The following NR6A1 variants were observed in gnomAD, a reference collection of about 807,000 sequenced individuals.
NR6A1 encodes the protein retinoic acid receptor-related testis-associated receptor.
NR6A1 carries 7 observed loss-of-function variants against 59.1 expected under a neutral mutation model. That is an observed-to-expected ratio of 0.12 (90% CI 0.07 to 0.22). The LOEUF is 0.22. NR6A1 is among the 10% of genes least tolerant of loss of function. NR6A1 has a pLI of 1.00. For missense variants in NR6A1, 468 were observed against 611.6 expected, an observed-to-expected ratio of 0.77 and a Z score of 2.48; for synonymous variants, 243 against 236.1, an observed-to-expected ratio of 1.03 and a Z score of -0.27.
chr9:124,752,165 C>T (rs1252256362), intron 1 of NR6A1, among the ~76,000 whole-genome samples: 2 of 152,160 alleles, frequency 1.3e-5, no homozygotes, highest in Non-Finnish European at 2.9e-5. Flanking sequence ...GCTACTCGGG[C>T]TCCTGAAGCA....
At chr9:124,609,654 T>C (rs1835682379) in intron 2 of NR6A1, among the ~76,000 whole-genome samples, 1 of 152,216 alleles carries the variant, frequency 6.6e-6, no homozygotes, top group Non-Finnish European at 1.5e-5. Flanking sequence ...AGAATGTCAA[T>C]GGTAGTTTAA....
chr9:124,651,080 G>C (rs1404342553), intron 2 of NR6A1, among the ~76,000 whole-genome samples: 1 of 152,134 alleles, frequency 6.6e-6, no homozygotes, highest in African/African-American at 2.4e-5. Flanking sequence ...TTTTGAGACA[G>C]AGTCTCACTC....
chr9:124,547,823 T>C (rs909538102), intron 3 of NR6A1, among the ~76,000 whole-genome samples: 7 of 152,106 alleles, frequency 4.6e-5, no homozygotes, highest in African/African-American at 1.7e-4. Context: ...CTATTTCAGA[T>C]TAAAAGAGAC....
rs3983841 is a variant in NR6A1, at chr9:124,654,875, TACACACACACACACAC to T, written c.142+78417_142+78432del. Among the ~76,000 whole-genome samples the T allele has an allele frequency of 8.1e-5, 10 of 123,874 alleles. No individual in the cohort carries two copies. In the South Asian group the frequency reaches 8.9e-4, roughly 11 times the overall value. 81.3% of individuals were successfully genotyped at this position (123,874 alleles called of 152,430 possible). On this transcript the variant is annotated intron_variant, in intron 2 of 9. Transcript: ENST00000487099. The stretch of plus-strand genomic sequence containing the variant: ...TTTATACATACATTTTTTTTTTTTG[TACACACACACACACAC>T]ACACACACACACACACACACACCTG...
chr9:124,645,989 A>G (rs1390560393), intron 2 of NR6A1, among the ~76,000 whole-genome samples: 4 of 152,254 alleles, frequency 2.6e-5, no homozygotes, highest in African/African-American at 9.6e-5. Context: ...TCAAATACAT[A>G]AAGATTAAAC....
chr9:124,700,854 A>G (rs916279348), intron 2 of NR6A1, among the ~76,000 whole-genome samples: 6 of 140,358 alleles, frequency 4.3e-5, no homozygotes, highest in African/African-American at 1.1e-4. Flanking sequence ...TCTACCTCCC[A>G]GGCTCAAGCG....
chr9:124,708,731 G>A (rs941460217), intron 2 of NR6A1, among the ~76,000 whole-genome samples: 1 of 152,182 alleles, frequency 6.6e-6, no homozygotes, highest in Non-Finnish European at 1.5e-5. Context: ...ACAAGCCCCA[G>A]GGCCAATGAT....
chr9:124,691,518 AT>A (rs757729570), intron 2 of NR6A1, among the ~76,000 whole-genome samples: 42 of 152,198 alleles, frequency 2.8e-4, no homozygotes, highest in Non-Finnish European at 3.8e-4. Context: ...GAAGATTCAT[AT>A]TATTAATTCA....
intron 2 of NR6A1, among the ~76,000 whole-genome samples, chr9:124,556,768 G>T (rs1208802613): frequency 6.6e-6 from 1 of 151,952 alleles, no homozygotes; most frequent in East Asian, 1.9e-4. Flanking sequence ...ACCTGATTTT[G>T]GATTTATGGC....
At chr9:124,588,029 C>T (rs77637750) in intron 2 of NR6A1, among the ~76,000 whole-genome samples, 1,573 of 152,250 alleles carry the variant, frequency 0.01, 26 homozygotes, top group African/African-American at 0.036. Flanking sequence ...CTCCTCTCTC[C>T]TCAGCTCCTC....
At chr9:124,625,305 T>C (rs1035933810) in intron 2 of NR6A1, among the ~76,000 whole-genome samples, 1 of 152,172 alleles carries the variant, frequency 6.6e-6, no homozygotes, top group South Asian at 2.1e-4. Flanking sequence ...AGATAATGCA[T>C]GTGAAAATAC....
intron 2 of NR6A1, among the ~76,000 whole-genome samples, chr9:124,634,047 T>C (rs1836525459): frequency 6.6e-6 from 1 of 152,278 alleles, no homozygotes; most frequent in Non-Finnish European, 1.5e-5. Flanking sequence ...TGAATTAAGT[T>C]GATTATTCAG....
intron 2 of NR6A1, among the ~76,000 whole-genome samples, chr9:124,695,373 T>C (rs896758324): frequency 1.3e-5 from 2 of 152,204 alleles, no homozygotes; most frequent in East Asian, 3.8e-4. Context: ...TGTGTGTTTT[T>C]CTTTCGTTTG....
chr9:124,517,702 G>A lies in NR6A1; in HGVS notation c.*5003C>T, dbSNP rs1832717906. 1 of 152,344 alleles carries A rather than the reference G, an allele frequency of 6.6e-6. No homozygotes were observed. Among genetic ancestry groups the A allele is most frequent in the East Asian group, 1.9e-4 (1 of 5,176 alleles). The allele number at this position is 152,344 out of a possible 1,614,324, so 9.4% of individuals were successfully genotyped here. ...CCCTGGAGCACAGGAAGGAAATGGA[G>A]GCCTCTTCAGGGGGGTGACTAGTCC... On this transcript the variant is annotated 3_prime_UTR_variant, in exon 10 of 10. Transcript: ENST00000487099.
intron 3 of NR6A1, among the ~76,000 whole-genome samples, chr9:124,552,792 A>G (rs1833814699): frequency 6.6e-6 from 1 of 152,182 alleles, no homozygotes; most frequent in Non-Finnish European, 1.5e-5. Context: ...GCTCAATATT[A>G]GTATTTATAA....
chr9:124,611,100 T>G (rs540638597), intron 2 of NR6A1, among the ~76,000 whole-genome samples: 1 of 151,832 alleles, frequency 6.6e-6, no homozygotes, highest in Non-Finnish European at 1.5e-5. Context: ...GGCTTTGGAG[T>G]TAAACATGTT....
At chr9:124,608,299 C>T (rs996758011) in intron 2 of NR6A1, among the ~76,000 whole-genome samples, 2 of 152,068 alleles carry the variant, frequency 1.3e-5, no homozygotes, top group African/African-American at 2.4e-5. Context: ...TCTCCCTCCC[C>T]CACCCCCAAC....
chr9:124,747,698 C>T (rs928113295), intron 1 of NR6A1, among the ~76,000 whole-genome samples: 2 of 152,126 alleles, frequency 1.3e-5, no homozygotes, highest in Non-Finnish European at 2.9e-5. Flanking sequence ...AACTCTCATC[C>T]CCCAAGCCAG....
rs533224996 is a variant in NR6A1 at position 124,672,622 on chromosome 9, A to C, written c.142+60686T>G. On this transcript the variant is annotated intron_variant, in intron 2 of 9. Transcript: ENST00000487099. ...AGAGCGAGACTCCGTTTCAAAAAAA[A>C]AAAAGAATTGCTTAAGTTCAAGTTT... Among the ~76,000 whole-genome samples, 40 of 152,262 alleles carry C rather than the reference A, an allele frequency of 2.6e-4. 1 individual carries two copies. In the South Asian group the frequency reaches 8.1e-3, roughly 31 times the overall value.
Sources: allele counts gnomAD v4.1 joint callset (sites outside exome capture counted in the v4.1 genomes callset), GRCh38; gene constraint gnomAD v4.1.1; transcripts MANE v1.5; gene names NCBI Gene and HGNC (gene_info 2026-07-23, HGNC 2026-07-21).